CIMIP6: variants seen among roughly 807,000 people sequenced by gnomAD.
The protein encoded by CIMIP6 is uncharacterized protein C2orf73.
At chr2:54,383,979 G>T in the CIMIP6 span, among the ~76,000 whole-genome samples, 1 of 152,128 alleles carries the variant, frequency 6.6e-6, no homozygotes, top group Admixed American at 6.6e-5. Flanking sequence ...CCCTCCCCAG[G>T]TGCAACCCCT....
the CIMIP6 span, chr2:54,334,758 T>C: frequency 8.7e-7 from 1 of 1,155,682 alleles, no homozygotes; most frequent in Non-Finnish European, 1.2e-6. Context: ...TTTTACATAA[T>C]TTTGACTCAA....
chr2:54,357,462 T>C, the CIMIP6 span, among the ~76,000 whole-genome samples: 2 of 152,110 alleles, frequency 1.3e-5, no homozygotes, highest in East Asian at 3.9e-4. Flanking sequence ...CTGAATCTAC[T>C]TCTCCCCACC....
chr2:54,331,516 A>T, the CIMIP6 span, among the ~76,000 whole-genome samples: 3 of 151,858 alleles, frequency 2.0e-5, no homozygotes, highest in East Asian at 5.8e-4. Flanking sequence ...GGCACCTCCA[A>T]TGGCCTATGG....
the CIMIP6 span, chr2:54,334,744 C>G: frequency 9.6e-7 from 1 of 1,038,520 alleles, no homozygotes; most frequent in Non-Finnish European, 1.4e-6. Context: ...ATATTTAAAT[C>G]TTATTTTACA....
the CIMIP6 span, among the ~76,000 whole-genome samples, chr2:54,343,419 C>T: frequency 1.3e-5 from 2 of 151,952 alleles, no homozygotes; most frequent in East Asian, 1.9e-4. Flanking sequence ...ATAATAAAAT[C>T]ATAGTATAAA....
chr2:54,378,684 A>G, the CIMIP6 span, among the ~76,000 whole-genome samples: 4 of 152,202 alleles, frequency 2.6e-5, no homozygotes, highest in Non-Finnish European at 5.9e-5. Context: ...ACAATTCACA[A>G]AACCATACAG....
the CIMIP6 span, among the ~76,000 whole-genome samples, chr2:54,345,651 C>T: frequency 2.0e-5 from 3 of 152,148 alleles, no homozygotes; most frequent in South Asian, 6.2e-4. Flanking sequence ...GAATAATTGG[C>T]ATTTGCACCC....
At chr2:54,359,779 T>C in the CIMIP6 span, among the ~76,000 whole-genome samples, 2 of 152,226 alleles carry the variant, frequency 1.3e-5, no homozygotes. Context: ...TCATATTTTA[T>C]TATTACTTAG....
the CIMIP6 span, chr2:54,360,617 C>G: frequency 4.9e-4 from 693 of 1,424,240 alleles, 8 homozygotes; most frequent in East Asian, 0.014. Flanking sequence ...ATTTCACAAT[C>G]ATCATCTTGG....
chr2:54,337,229 A>T, the CIMIP6 span, among the ~76,000 whole-genome samples: 15 of 152,170 alleles, frequency 9.9e-5, no homozygotes, highest in Non-Finnish European at 2.2e-4. Context: ...CGTACTGATG[A>T]CATCTGTTCT....
chr2:54,349,859 T>A, the CIMIP6 span, among the ~76,000 whole-genome samples: 4 of 151,702 alleles, frequency 2.6e-5, no homozygotes, highest in East Asian at 5.8e-4. Context: ...CTTTTTTTTT[T>A]TTTTTTTGAG....
the CIMIP6 span, among the ~76,000 whole-genome samples, chr2:54,363,767 A>G: frequency 6.6e-6 from 1 of 152,172 alleles, no homozygotes; most frequent in Non-Finnish European, 1.5e-5. Flanking sequence ...GCTGTGTGTG[A>G]TCAGTCCACC....
At chr2:54,331,705 A>G in the CIMIP6 span, among the ~76,000 whole-genome samples, 1 of 152,006 alleles carries the variant, frequency 6.6e-6, no homozygotes, top group Non-Finnish European at 1.5e-5. Context: ...CAGAAACTCT[A>G]TGGCTGGGGC....
At chr2:54,368,336 T>C in the CIMIP6 span, among the ~76,000 whole-genome samples, 17 of 152,352 alleles carry the variant, frequency 1.1e-4, no homozygotes, top group South Asian at 1.9e-3. Context: ...CATGGCTTTG[T>C]GTACAGTAAT....
chr2:54,374,741 A>T, the CIMIP6 span, among the ~76,000 whole-genome samples: 7 of 152,200 alleles, frequency 4.6e-5, no homozygotes, highest in African/African-American at 1.7e-4. Context: ...TTCTTGGAAA[A>T]ATAAAGGCAG....
At chr2:54,347,441 A>C in the CIMIP6 span, among the ~76,000 whole-genome samples, 8 of 152,340 alleles carry the variant, frequency 5.3e-5, no homozygotes, top group East Asian at 1.5e-3. Flanking sequence ...AATTTGATGA[A>C]CTGGTTAAAA....
the CIMIP6 span, among the ~76,000 whole-genome samples, chr2:54,345,117 T>C: frequency 1.3e-5 from 2 of 152,136 alleles, no homozygotes; most frequent in African/African-American, 2.4e-5. Context: ...ATTTTAGTGT[T>C]TTTGGCTGGG....
chr2:54,368,077 C>G, the CIMIP6 span, among the ~76,000 whole-genome samples: 1 of 152,130 alleles, frequency 6.6e-6, no homozygotes, highest in African/African-American at 2.4e-5. Context: ...AACTTATGAC[C>G]TAACACAATT....
the CIMIP6 span, among the ~76,000 whole-genome samples, chr2:54,363,414 A>C: frequency 6.6e-6 from 1 of 152,176 alleles, no homozygotes; most frequent in Non-Finnish European, 1.5e-5. Flanking sequence ...GGCTTAACAT[A>C]GCAGGGAAAC....
Sources: gnomAD v4.1 joint callset for allele counts (sites outside exome capture counted in the v4.1 genomes callset) on GRCh38, gnomAD v4.1.1 for gene constraint, MANE v1.5 for transcripts, NCBI Gene and HGNC (gene_info 2026-07-23, HGNC 2026-07-21) for gene names.